Variants in AMN1 observed in about 807,000 individuals in gnomAD.
AMN1 encodes protein AMN1 homolog.
In AMN1, 20 loss-of-function variants were observed where a neutral mutation model predicts 33.0. The ratio of observed to expected loss-of-function variants is 0.61; its 90% CI spans 0.43 to 0.88. The LOEUF is 0.88. AMN1 is among the 40% of genes least tolerant of loss of function. The pLI is 0.00. For synonymous variants in AMN1, 114 were observed against 111.9 expected, an observed-to-expected ratio of 1.02 and a Z score of -0.12; for missense variants, 246 against 307.4, an observed-to-expected ratio of 0.80 and a Z score of 1.49.
intron 1 of AMN1, among the ~76,000 whole-genome samples, chr12:31,711,851 T>C (rs540651141): frequency 4.6e-5 from 7 of 152,322 alleles, no homozygotes; most frequent in African/African-American, 1.7e-4. Context: ...CCTCTCTCTA[T>C]GCCGCCATCC....
chr12:31,718,993 A>C (rs1248480229), intron 1 of AMN1, among the ~76,000 whole-genome samples: 1 of 152,252 alleles, frequency 6.6e-6, no homozygotes, highest in Non-Finnish European at 1.5e-5. Flanking sequence ...GGGACCTGCC[A>C]AGCCAGGCAC....
chr12:31,698,414 A>G (rs1294323644), intron 3 of AMN1, among the ~76,000 whole-genome samples: 1 of 152,194 alleles, frequency 6.6e-6, no homozygotes, highest in African/African-American at 2.4e-5. Context: ...AGCTATGCCT[A>G]TGTGTTCTCT....
At chr12:31,691,865 T>A (rs1938513744) in intron 5 of AMN1, among the ~76,000 whole-genome samples, 1 of 151,984 alleles carries the variant, frequency 6.6e-6, no homozygotes. Flanking sequence ...GTAACATTAT[T>A]TTATTTTATT....
chr12:31,689,664 A>G (rs531589017), intron 5 of AMN1, among the ~76,000 whole-genome samples: 2 of 152,342 alleles, frequency 1.3e-5, no homozygotes, highest in South Asian at 4.1e-4. Context: ...AAGAAAAATA[A>G]AAACATATGT....
chr12:31,676,958 G>A (rs558893065), intron 6 of AMN1, among the ~76,000 whole-genome samples: 1 of 151,586 alleles, frequency 6.6e-6, no homozygotes, highest in Non-Finnish European at 1.5e-5. Flanking sequence ...AAAACTATGG[G>A]GTCGCTAAGT....
At chr12:31,726,817 T>C (rs1940090918) in intron 1 of AMN1, among the ~76,000 whole-genome samples, 1 of 152,204 alleles carries the variant, frequency 6.6e-6, no homozygotes, top group Non-Finnish European at 1.5e-5. Context: ...GACCACACTC[T>C]AGCATGACAA....
chr12:31,726,861 A>G (rs1051600591), intron 1 of AMN1, among the ~76,000 whole-genome samples: 1 of 152,160 alleles, frequency 6.6e-6, no homozygotes, highest in African/African-American at 2.4e-5. Flanking sequence ...TCTTAGCCCC[A>G]AGTTCTGAAG....
chr12:31,698,119 A>C (rs1291803594), intron 3 of AMN1, among the ~76,000 whole-genome samples, 162 bp from the exon 4 acceptor site: 1 of 152,214 alleles, frequency 6.6e-6, no homozygotes, highest in Non-Finnish European at 1.5e-5. Flanking sequence ...TACTGTCATT[A>C]TTCAGAACTC....
chr12:31,686,950 A>G (rs974522726), intron 6 of AMN1, among the ~76,000 whole-genome samples: 38 of 152,186 alleles, frequency 2.5e-4, no homozygotes, highest in African/African-American at 8.2e-4. Context: ...TTTTTTTCCT[A>G]CTCTTGTTCC....
intron 1 of AMN1, among the ~76,000 whole-genome samples, chr12:31,727,224 G>T (rs1940111179): frequency 6.6e-6 from 1 of 152,154 alleles, no homozygotes; most frequent in South Asian, 2.1e-4. Context: ...CATGCCACCA[G>T]AAATAATTCT....
At chr12:31,714,326 A>AT (rs1939587931) in intron 1 of AMN1, 2 of 152,102 alleles carry the variant, frequency 1.3e-5, no homozygotes, top group Admixed American at 1.3e-4. Context: ...TGCCTTTAAA[A>AT]TTTTTATTTA....
intron 6 of AMN1, among the ~76,000 whole-genome samples, chr12:31,677,295 G>A (rs1306160797): frequency 1.3e-5 from 2 of 152,024 alleles, no homozygotes; most frequent in African/African-American, 2.4e-5. Flanking sequence ...GCGAGACTCC[G>A]TCTCAAAAAA....
intron 2 of AMN1, among the ~76,000 whole-genome samples, chr12:31,706,160 A>T (rs1205393304): frequency 6.6e-6 from 1 of 151,748 alleles, no homozygotes; most frequent in Non-Finnish European, 1.5e-5. Context: ...AAAATACAAA[A>T]AATTAGCTGG....
rs1422055662 is a variant in AMN1 at position 31,689,106 on chromosome 12, C to G, written c.604G>C (p.Gly202Arg). 6.2e-7 allele frequency: 1 copy of G among 1,608,718 alleles called. No homozygotes were observed. The highest frequency in any genetic ancestry group is 8.5e-7 in the Non-Finnish European group (1 of 1,176,168). The change falls in exon 6 of 7, where the codon GGA (glycine) becomes CGA (arginine). Residue 202 changes from glycine to arginine, a missense_variant. Gly to Arg is a moderately radical substitution (Grantham distance 125). Transcript: ENST00000281471. ...CCATCAGTCAGATTTACACAATGTCCCATATGAATCTCCTATGCAAAAATA... is the reference window on the plus strand; with the variant it reads ...CCATCAGTCAGATTTACACAATGTCGCATATGAATCTCCTATGCAAAAATA... Reference protein sequence around the residue: ...CAKKLEEIHMGHCVNLTDGAV... With the variant: ...CAKKLEEIHMRHCVNLTDGAV...
chr12:31,694,689 T>C (rs930461316), intron 5 of AMN1, among the ~76,000 whole-genome samples: 13 of 152,118 alleles, frequency 8.5e-5, no homozygotes, highest in African/African-American at 3.1e-4. Flanking sequence ...AAGGCTGCTG[T>C]AAGCCATGAT....
chr12:31,729,137 C>T (rs1048516892), upstream of AMN1: 7 of 1,054,610 alleles, frequency 6.6e-6, no homozygotes, highest in African/African-American at 8.0e-5. Context: ...TTCCGGTGAC[C>T]GGGGCGTGGC....
chr12:31,704,391 G>GT (rs200469595), intron 2 of AMN1, among the ~76,000 whole-genome samples: 2,643 of 151,190 alleles, frequency 0.017, 30 homozygotes, highest in South Asian at 0.027. Flanking sequence ...TGGTTGTTTT[G>GT]TTTTTTCTTA....
intron 1 of AMN1, among the ~76,000 whole-genome samples, chr12:31,721,176 T>C (rs1325719718): frequency 6.6e-6 from 1 of 152,156 alleles, no homozygotes; most frequent in Non-Finnish European, 1.5e-5. Flanking sequence ...GTGAGGATGA[T>C]GGGGTGCTGG....
At chr12:31,689,807 A>G (rs1311242396) in intron 5 of AMN1, among the ~76,000 whole-genome samples, 1 of 152,210 alleles carries the variant, frequency 6.6e-6, no homozygotes, top group African/African-American at 2.4e-5. Context: ...GTATTTGGTT[A>G]CATAAGTAAG....
Sources: gnomAD v4.1 joint callset for allele counts (sites outside exome capture counted in the v4.1 genomes callset) on GRCh38, gnomAD v4.1.1 for gene constraint, MANE v1.5 for transcripts, NCBI Gene and HGNC (gene_info 2026-07-23, HGNC 2026-07-21) for gene names.